Variants in MKLN1 observed in about 807,000 individuals in gnomAD.
MKLN1 encodes muskelin 1.
In MKLN1, 18 loss-of-function variants were observed where a neutral mutation model predicts 99.0. The observed-to-expected ratio is 0.18, with a 90% CI of 0.13 to 0.27. MKLN1 has a LOEUF of 0.27. Ranked by LOEUF, MKLN1 falls within the 10% of genes least tolerant of loss-of-function variation. MKLN1 has a pLI of 1.00. For synonymous variants in MKLN1, 288 were observed against 293.2 expected (o/e 0.98, Z 0.18); for missense variants, 621 against 875.9 (o/e 0.71, Z 3.67).
At chr7:131,304,354 A>G (rs1005049660) in intron 3 of MKLN1, among the ~76,000 whole-genome samples, 1 of 152,212 alleles carries the variant, frequency 6.6e-6, no homozygotes, top group Non-Finnish European at 1.5e-5. Context: ...AGTCTTGGCA[A>G]CAGAGTGAGA....
intron 8 of MKLN1, among the ~76,000 whole-genome samples, chr7:131,426,323 G>A (rs1303142058): frequency 6.6e-6 from 1 of 152,116 alleles, no homozygotes; most frequent in Non-Finnish European, 1.5e-5. Context: ...TAAAACAAAA[G>A]GTCAATTGCT....
At chr7:131,239,358 G>C (rs1366382281) in intron 3 of MKLN1, among the ~76,000 whole-genome samples, 1 of 151,380 alleles carries the variant, frequency 6.6e-6, no homozygotes, top group African/African-American at 2.4e-5. Context: ...TGTCACCCAG[G>C]CTGGAGTGTA....
intron 16 of MKLN1, among the ~76,000 whole-genome samples, chr7:131,476,539 T>A (rs1035445361): frequency 6.6e-6 from 1 of 152,232 alleles, no homozygotes; most frequent in Non-Finnish European, 1.5e-5. Flanking sequence ...ATAGTTTATA[T>A]TAGCATCAGA....
intron 1 of MKLN1, among the ~76,000 whole-genome samples, chr7:131,110,448 C>T (rs1484322056): frequency 2.6e-5 from 4 of 152,150 alleles, no homozygotes; most frequent in African/African-American, 7.2e-5. Flanking sequence ...GAACCCAGGA[C>T]AGAGCTGGAG....
At chr7:131,447,936 A>G (rs1796061970) in intron 12 of MKLN1, among the ~76,000 whole-genome samples, 1 of 152,196 alleles carries the variant, frequency 6.6e-6, no homozygotes, top group Non-Finnish European at 1.5e-5. Flanking sequence ...AGATTAAAAG[A>G]AAAAAGTGGC....
intron 12 of MKLN1, 150 bp from the exon 13 acceptor site, chr7:131,463,067 A>G (rs1796562483): frequency 3.3e-6 from 2 of 610,160 alleles, no homozygotes; most frequent in Admixed American, 3.4e-5. Flanking sequence ...GGCTGCAGTG[A>G]GTCATGGTTG....
intron 3 of MKLN1, among the ~76,000 whole-genome samples, chr7:131,321,944 C>T (rs1221363995): frequency 6.6e-6 from 1 of 152,148 alleles, no homozygotes; most frequent in East Asian, 1.9e-4. Flanking sequence ...GTATGTCCCA[C>T]AAATGGAAAA....
intron 13 of MKLN1, 90 bp downstream of exon 13, chr7:131,463,454 C>T (rs533573377): frequency 6.9e-6 from 9 of 1,306,900 alleles, no homozygotes; most frequent in East Asian, 2.4e-5. Flanking sequence ...GAGAGTATTA[C>T]GTTAATTTGT....
At chr7:131,121,638 CAAAAAAAAAAAAAAA>C (rs55908773) in intron 1 of MKLN1, among the ~76,000 whole-genome samples, 3 of 72,820 alleles carry the variant, frequency 4.1e-5, no homozygotes, top group African/African-American at 1.6e-4. Context: ...GACTCCGTCT[CAAAAAAAAAAAAAAA>C]AAAAAAAAAA....
chr7:131,460,470 G>GTAA (rs1438500095), intron 12 of MKLN1, among the ~76,000 whole-genome samples: 2 of 152,188 alleles, frequency 1.3e-5, no homozygotes, highest in Non-Finnish European at 2.9e-5. Context: ...TATAGAATGC[G>GTAA]TAAGCTGAGA....
At chr7:131,230,603 T>C (rs1019492065) in intron 3 of MKLN1, among the ~76,000 whole-genome samples, 2 of 152,232 alleles carry the variant, frequency 1.3e-5, no homozygotes, top group African/African-American at 4.8e-5. Context: ...TAAGAGCATG[T>C]ATTTACCATA....
chr7:131,338,250 C>T (rs1243963431), intron 1 of MKLN1, among the ~76,000 whole-genome samples: 3 of 152,226 alleles, frequency 2.0e-5, no homozygotes, highest in African/African-American at 7.2e-5. Flanking sequence ...CTGAGTGTCA[C>T]ATTTGTTCTT....
intron 2 of MKLN1, among the ~76,000 whole-genome samples, chr7:131,202,146 CTTTTTTTTTTTTTTTTTTTT>C (rs58800874): frequency 1.7e-5 from 1 of 60,276 alleles, no homozygotes; most frequent in Non-Finnish European, 3.2e-5. Flanking sequence ...GCACTATTGA[CTTTTTTTTTTTTTTTTTTTT>C]TTTTTTTTTT....
chr7:131,197,799 G>A (rs1245715647), intron 2 of MKLN1, among the ~76,000 whole-genome samples: 3 of 151,790 alleles, frequency 2.0e-5, no homozygotes, highest in South Asian at 4.1e-4. Flanking sequence ...AAAAAAGTAT[G>A]AGTGATTTCT....
intron 10 of MKLN1, among the ~76,000 whole-genome samples, chr7:131,441,379 A>G (rs543188227): frequency 1.3e-5 from 2 of 152,336 alleles, no homozygotes; most frequent in African/African-American, 4.8e-5. Context: ...AGTAAAATAA[A>G]GTCATTTTCA....
At chr7:131,274,262 T>A (rs1207928347) in intron 3 of MKLN1, among the ~76,000 whole-genome samples, 3 of 152,212 alleles carry the variant, frequency 2.0e-5, no homozygotes, top group African/African-American at 4.8e-5. Flanking sequence ...TTTATAATCA[T>A]CTTACTTCTT....
intron 4 of MKLN1, among the ~76,000 whole-genome samples, chr7:131,396,392 A>T (rs1684178): frequency 6.6e-6 from 1 of 152,088 alleles, no homozygotes; most frequent in African/African-American, 2.4e-5. Context: ...TTTTTTAGGT[A>T]GACAGGTCAT....
chr7:131,239,446 A>G (rs562805713), intron 3 of MKLN1, among the ~76,000 whole-genome samples: 2 of 152,098 alleles, frequency 1.3e-5, no homozygotes, highest in Non-Finnish European at 2.9e-5. Flanking sequence ...CAGCCTCCCA[A>G]GTAGCTAGGG....
chr7:131,169,949 G>A (rs1796192594), intron 2 of MKLN1, among the ~76,000 whole-genome samples: 1 of 152,110 alleles, frequency 6.6e-6, no homozygotes. Context: ...TTTCACCTAG[G>A]CATGGTGGTT....
Sources: gnomAD v4.1 joint callset for allele counts (sites outside exome capture counted in the v4.1 genomes callset) on GRCh38, gnomAD v4.1.1 for gene constraint, MANE v1.5 for transcripts, NCBI Gene and HGNC (gene_info 2026-07-23, HGNC 2026-07-21) for gene names.